Variants in DUSP29 observed in about 807,000 individuals in gnomAD.
DUSP29 encodes the protein atypical dual-specific protein phosphatase.
DUSP29 carries 12 observed loss-of-function variants against 13.5 expected under a neutral mutation model. That is an observed-to-expected ratio of 0.89 (90% CI 0.57 to 1.44). DUSP29 has a LOEUF of 1.44. Ranked by LOEUF, DUSP29 falls within the 40% of genes most tolerant of loss-of-function variation. DUSP29 has a pLI of 0.00. For missense variants in DUSP29, 308 were observed against 301.1 expected, an observed-to-expected ratio of 1.02 and a Z score of -0.17; for synonymous variants, 134 against 128.7, an observed-to-expected ratio of 1.04 and a Z score of -0.28.
intron 2 of DUSP29, among the ~76,000 whole-genome samples, chr10:75,044,275 T>C (rs1200876740): frequency 3.9e-5 from 6 of 152,078 alleles, no homozygotes. Context: ...CGTCCATTAG[T>C]TCTTTCATCA....
At chr10:75,070,708 C>T (rs1589871571) in intron 1 of DUSP29, among the ~76,000 whole-genome samples, 2 of 152,054 alleles carry the variant, frequency 1.3e-5, no homozygotes, top group East Asian at 3.9e-4. Context: ...AGGAGATGGA[C>T]TCATGTGAGC....
At chr10:75,042,955 G>T (rs1408864072) in intron 3 of DUSP29, among the ~76,000 whole-genome samples, 1 of 152,244 alleles carries the variant, frequency 6.6e-6, no homozygotes, top group African/African-American at 2.4e-5. Flanking sequence ...AGCAATAACT[G>T]TATATTGTCT....
intron 3 of DUSP29, among the ~76,000 whole-genome samples, chr10:75,039,368 A>G (rs1413302105): frequency 9.2e-5 from 14 of 152,140 alleles, no homozygotes; most frequent in Non-Finnish European, 1.5e-4. Context: ...CTACACAAAA[A>G]TTAGCCAGTC....
intron 1 of DUSP29, among the ~76,000 whole-genome samples, chr10:75,066,255 C>T (rs1481018987): frequency 1.3e-5 from 2 of 152,132 alleles, no homozygotes; most frequent in Admixed American, 6.6e-5. Context: ...GGAATAGCCA[C>T]GAGATTACTG....
intron 3 of DUSP29, among the ~76,000 whole-genome samples, chr10:75,040,699 G>A (rs988964942): frequency 2.0e-5 from 3 of 152,218 alleles, no homozygotes; most frequent in Non-Finnish European, 4.4e-5. Context: ...GTAGGCAGGT[G>A]TCCTGATGGC....
Position 75,073,585 on chromosome 10 carries a change from C to A in DUSP29, c.-51G>T, listed in dbSNP as rs1415593071. ...CGGCCTTACCTGGGTGTGCCGGGGC[C>A]TGGCCGCGTCGGGAGGTTCTGGTCC... On this transcript the variant is annotated 5_prime_UTR_variant, in exon 1 of 4. It adds an upstream start codon to the 5' untranslated region. Transcript: ENST00000338487. 5.3e-5 allele frequency among the ~76,000 whole-genome samples: 8 copies of A among 152,322 alleles called. No individual in the cohort carries two copies. The highest frequency in any genetic ancestry group is 3.9e-4 in the Admixed American group (6 of 15,300).
intron 3 of DUSP29, among the ~76,000 whole-genome samples, chr10:75,039,420 G>T (rs941177784): frequency 6.6e-6 from 1 of 152,184 alleles, no homozygotes; most frequent in Non-Finnish European, 1.5e-5. Flanking sequence ...GGAGGCGGAG[G>T]CAGGAGAATT....
At chr10:75,066,968 T>C (rs1156842363) in intron 1 of DUSP29, among the ~76,000 whole-genome samples, 4 of 150,552 alleles carry the variant, frequency 2.7e-5, no homozygotes, top group African/African-American at 9.8e-5. Flanking sequence ...CTTTTTTTTT[T>C]TTTCTTTGAG....
intron 1 of DUSP29, among the ~76,000 whole-genome samples, chr10:75,064,057 T>C (rs1424312017): frequency 6.6e-6 from 1 of 152,048 alleles, no homozygotes; most frequent in East Asian, 1.9e-4. Context: ...TCAGACTTTT[T>C]TTTTTTTGAG....
rs576167808 is a variant in DUSP29, at chr10:75,057,256, G to A, written c.200+1059C>T. On this transcript the variant is annotated intron_variant, in intron 2 of 3. Coordinates refer to ENST00000338487, the MANE Select transcript of DUSP29 (RefSeq NM_001003892.3). ...ACCACTCCAACCTGCACTTCAACGT[G>A]GGTGACAGGGTGAGACTGTCTCGAA... is the stretch of plus-strand genomic sequence containing the variant. 1.9e-4 allele frequency among the ~76,000 whole-genome samples: 29 copies of A among 152,096 alleles called. No homozygotes were observed. The South Asian group carries it at 5.8e-3, about 31-fold the overall frequency.
chr10:75,062,968 A>G (rs969170897), intron 1 of DUSP29, among the ~76,000 whole-genome samples: 1 of 152,188 alleles, frequency 6.6e-6, no homozygotes, highest in Non-Finnish European at 1.5e-5. Context: ...CCTACATGCA[A>G]TGGCAGCCTG....
At chr10:75,047,611 G>T (rs897240105) in intron 2 of DUSP29, among the ~76,000 whole-genome samples, 2 of 152,190 alleles carry the variant, frequency 1.3e-5, no homozygotes, top group African/African-American at 4.8e-5. Context: ...AGGGAGAAAA[G>T]ACTTCAGAAA....
At chr10:75,055,367 A>C (rs891227176) in intron 2 of DUSP29, among the ~76,000 whole-genome samples, 3 of 152,150 alleles carry the variant, frequency 2.0e-5, no homozygotes, top group African/African-American at 7.2e-5. Context: ...TTCTGAACTA[A>C]TTTTAGACTT....
In DUSP29 at chr10:75,058,225, T is replaced by C. The variant is rs1847005414; in HGVS notation, c.200+90A>G. 2.7e-6 allele frequency: 4 copies of C among 1,463,814 alleles called. No individual in the cohort carries two copies. The Admixed American group carries it at 9.0e-5, about 33-fold the overall frequency. 90.7% of individuals were successfully genotyped at this position (1,463,814 alleles called of 1,614,324 possible). A position where few individuals can be genotyped will look rare whatever the true frequency, so the allele number is the denominator to read the frequency against. ...GAGTTCTCACAGAACGACTACAAAT[T>C]CCAAAGCCCATGGCTAGGAGGTGGC... On this transcript the variant is annotated intron_variant, in intron 2 of 3. Coordinates refer to ENST00000338487, the MANE Select transcript of DUSP29 (RefSeq NM_001003892.3).
intron 3 of DUSP29, 139 bp from the exon 4 acceptor site, chr10:75,038,216 A>T: frequency 8.7e-7 from 1 of 1,149,702 alleles, no homozygotes; most frequent in South Asian, 1.6e-5. Context: ...CTGCCTCTGT[A>T]GAACGGGGAC....
intron 2 of DUSP29, among the ~76,000 whole-genome samples, chr10:75,050,481 A>T: frequency 6.6e-6 from 1 of 152,264 alleles, no homozygotes. Context: ...AAACTAATAA[A>T]GCCTAATTCA....
chr10:75,044,009 G>A lies in DUSP29; in HGVS notation c.209C>T (p.Ala70Val), dbSNP rs886495941. Reference protein sequence around the residue: ...PKLYIGDEATALDRYRLQKAG... With the variant: ...PKLYIGDEATVLDRYRLQKAG... ...CTTCTGCAGCCTATAGCGGTCCAGC[G>A]CCGTCGCCCTGGGCGCAGGGGAGAG... Residue 70 changes from alanine (A) to valine (V), a missense_variant, in exon 3 of 4, where the codon GCG (alanine) becomes GTG (valine). Physicochemically the swap from Ala to Val is moderately conservative, Grantham distance 64. Coordinates refer to ENST00000338487, the MANE Select transcript of DUSP29 (RefSeq NM_001003892.3). The A allele has an allele frequency of 2.5e-6, 4 of 1,609,406 alleles. No individual in the cohort carries two copies. The highest frequency in any genetic ancestry group is 2.7e-5 in the African/African-American group (2 of 74,854).
chr10:75,061,977 A>G (rs1021419908), intron 1 of DUSP29, among the ~76,000 whole-genome samples: 2 of 152,148 alleles, frequency 1.3e-5, no homozygotes, highest in Admixed American at 6.6e-5. Flanking sequence ...GGAGAAGGTG[A>G]GGGGACTGCA....
At chr10:75,052,847 T>C (rs1191325666) in intron 2 of DUSP29, among the ~76,000 whole-genome samples, 1 of 152,246 alleles carries the variant, frequency 6.6e-6, no homozygotes, top group Non-Finnish European at 1.5e-5. Flanking sequence ...TGTTAGAACG[T>C]TTGCAGCCCC....
Sources: allele counts gnomAD v4.1 joint callset (sites outside exome capture counted in the v4.1 genomes callset), GRCh38; gene constraint gnomAD v4.1.1; transcripts MANE v1.5; gene names NCBI Gene and HGNC (gene_info 2026-07-23, HGNC 2026-07-21).